TXNDC9: variants seen among roughly 807,000 people sequenced by gnomAD.
TXNDC9 encodes the protein thioredoxin domain-containing protein 9.
A neutral mutation model predicts 23.0 loss-of-function variants in TXNDC9; 7 were observed. That is an observed-to-expected ratio of 0.30 (90% CI 0.17 to 0.57). The LOEUF is 0.57. TXNDC9 is among the 20% of genes least tolerant of loss of function. The probability of loss-of-function intolerance (pLI) is 0.90; values close to 1 mark genes in which losing one functional copy is unlikely to be tolerated. For missense variants in TXNDC9, 198 were observed against 252.6 expected (o/e 0.78, Z 1.47); for synonymous variants, 72 against 90.6 (o/e 0.79, Z 1.17).
chr2:99,306,455 A>G, the TXNDC9 span, among the ~76,000 whole-genome samples: 23 of 151,610 alleles, frequency 1.5e-4, no homozygotes, highest in Non-Finnish European at 3.0e-4. Context: ...GGAAGGCCTA[A>G]TGCAAAGAAT....
At chr2:99,327,473 A>C in intron 3 of TXNDC9, 62 bp downstream of exon 3, 1 of 1,205,728 alleles carries the variant, frequency 8.3e-7, no homozygotes. Flanking sequence ...AAGCCAGTAT[A>C]TCTCCAGCCA....
intron 2 of TXNDC9, among the ~76,000 whole-genome samples, chr2:99,332,171 G>C (rs1054725451): frequency 1.3e-5 from 2 of 152,214 alleles, no homozygotes; most frequent in Non-Finnish European, 1.5e-5. Flanking sequence ...GGCCAGGTGC[G>C]GTAGCTCACG....
At chr2:99,319,852 A>C (rs564612811) in intron 4 of TXNDC9, 53 bp from the exon 5 acceptor site, 2 of 1,065,572 alleles carry the variant, frequency 1.9e-6, no homozygotes, top group Non-Finnish European at 2.7e-6. Context: ...CTAGTATACT[A>C]AACTGCACAA....
At chr2:99,322,698 T>C (rs776364200) in intron 3 of TXNDC9, 1 of 1,477,260 alleles carries the variant, frequency 6.8e-7, no homozygotes, top group Non-Finnish European at 9.0e-7. Context: ...GGGTTACTAA[T>C]AATATTTAAA....
At chr2:99,327,452 A>G (rs2094215213) in intron 3 of TXNDC9, 83 bp downstream of exon 3, 3 of 962,942 alleles carry the variant, frequency 3.1e-6, no homozygotes, top group Non-Finnish European at 4.8e-6. Flanking sequence ...AGTTTTCTTC[A>G]TTTCTCTAGT....
chr2:99,322,646 CT>C, intron 3 of TXNDC9: 1 of 1,542,164 alleles, frequency 6.5e-7, no homozygotes, highest in East Asian at 2.5e-5. Context: ...CTTCTTACTC[CT>C]AAATATGCAA....
At chr2:99,333,369 G>A (rs1452353514) in intron 1 of TXNDC9, 127 bp from the exon 2 acceptor site, 16 of 693,166 alleles carry the variant, frequency 2.3e-5, no homozygotes, top group Non-Finnish European at 3.7e-5. Flanking sequence ...CGACATCCAA[G>A]CACTTGATGC....
At position 99,333,106 on chromosome 2, in the gene TXNDC9, T is replaced by C. The variant is rs1345347074; in HGVS notation, c.105A>G (p.Lys35=). 2 of 1,614,018 alleles carry C rather than the reference T, an allele frequency of 1.2e-6. No homozygotes were observed. The highest frequency in any genetic ancestry group is 1.7e-6 in the Non-Finnish European group (2 of 1,180,018). ...ATTCATCCTCATCCATCTGATCCAG[T>C]TTTTGAATTTCAGAATCCAAATGTT... is the stretch of plus-strand genomic sequence containing the variant. ...VEEHLDSEIQ[K]LDQMDEDELE... is the part of the protein sequence containing the mutation. The change falls in exon 2 of 5, where the codon AAA becomes AAG. Residue 35 remains lysine, a synonymous_variant. Coordinates refer to ENST00000264255, the MANE Select transcript of TXNDC9 (RefSeq NM_005783.4).
At chr2:99,311,753 C>A in the TXNDC9 span, among the ~76,000 whole-genome samples, 1 of 152,240 alleles carries the variant, frequency 6.6e-6, no homozygotes, top group Non-Finnish European at 1.5e-5. Flanking sequence ...AGGCATGAGC[C>A]AGCATGCCCA....
chr2:99,309,518 A>G, the TXNDC9 span, among the ~76,000 whole-genome samples: 11 of 152,018 alleles, frequency 7.2e-5, no homozygotes, highest in Non-Finnish European at 1.6e-4. Context: ...CAATTAAAAA[A>G]AAAGAAAAGA....
intron 3 of TXNDC9, among the ~76,000 whole-genome samples, chr2:99,327,320 C>G (rs1004219687): frequency 3.3e-5 from 5 of 152,284 alleles, no homozygotes; most frequent in African/African-American, 7.2e-5. Flanking sequence ...GATCCACCCC[C>G]CACTTGGCCT....
At chr2:99,309,508 C>T in the TXNDC9 span, among the ~76,000 whole-genome samples, 1 of 151,434 alleles carries the variant, frequency 6.6e-6, no homozygotes, top group Non-Finnish European at 1.5e-5. Flanking sequence ...GACCTTGTTT[C>T]AATTAAAAAA....
chr2:99,320,040 C>G (rs2094197808), intron 4 of TXNDC9, among the ~76,000 whole-genome samples: 1 of 152,194 alleles, frequency 6.6e-6, no homozygotes, highest in South Asian at 2.1e-4. Context: ...CAGGGTCTCA[C>G]TCTGTGGCCC....
chr2:99,313,069 G>A, the TXNDC9 span, among the ~76,000 whole-genome samples: 1 of 152,092 alleles, frequency 6.6e-6, no homozygotes, highest in Admixed American at 6.6e-5. Context: ...GGCTGAGGCA[G>A]GTGAATTGCT....
chr2:99,315,007 T>C (rs1479390568), downstream of TXNDC9, among the ~76,000 whole-genome samples: 20 of 148,528 alleles, frequency 1.3e-4, no homozygotes, highest in South Asian at 4.1e-3. Flanking sequence ...GCCATTCTCC[T>C]GCCTCAGCCT....
At chr2:99,327,809 G>A (rs1449944528) in intron 2 of TXNDC9, among the ~76,000 whole-genome samples, 156 bp from the exon 3 acceptor site, 3 of 144,078 alleles carry the variant, frequency 2.1e-5, no homozygotes, top group East Asian at 2.0e-4. Context: ...TTTTTGAGAC[G>A]GAGTCTTGCT....
Position 99,319,593 on chromosome 2 carries a change from G to T in TXNDC9, c.*89C>A. On this transcript the variant is annotated 3_prime_UTR_variant, in exon 5 of 5. Transcript: ENST00000264255. The stretch of plus-strand genomic sequence containing the variant: ...AACTCGAGAATATGAGTATTTAGGT[G>T]ACCAATGTATAGACATTAATAGAAT... 2 of 950,168 alleles carry T rather than the reference G, an allele frequency of 2.1e-6. No individual in the cohort carries two copies. Among genetic ancestry groups the T allele is most frequent in the Non-Finnish European group, 3.3e-6 (2 of 611,624 alleles). The allele number at this position is 950,168 out of a possible 1,614,324, so 58.9% of individuals were successfully genotyped here. A position where few individuals can be genotyped will look rare whatever the true frequency, so the allele number is the denominator to read the frequency against.
chr2:99,315,088 A>G (rs1390721174), downstream of TXNDC9, among the ~76,000 whole-genome samples: 2 of 138,280 alleles, frequency 1.4e-5, no homozygotes, highest in Admixed American at 1.5e-4. Flanking sequence ...TTTGAGATAG[A>G]GTCTCACTCT....
intron 2 of TXNDC9, among the ~76,000 whole-genome samples, chr2:99,329,121 T>C (rs1264144308): frequency 6.6e-6 from 1 of 152,240 alleles, no homozygotes; most frequent in African/African-American, 2.4e-5. Flanking sequence ...AAAGTCTCTA[T>C]ACCTGCACTA....
Sources: allele counts gnomAD v4.1 joint callset (sites outside exome capture counted in the v4.1 genomes callset), GRCh38; gene constraint gnomAD v4.1.1; transcripts MANE v1.5; gene names NCBI Gene and HGNC (gene_info 2026-07-23, HGNC 2026-07-21).